ADGRL2: variants seen among roughly 807,000 people sequenced by gnomAD.
ADGRL2 encodes calcium-independent alpha-latrotoxin receptor 2.
ADGRL2 carries 44 observed loss-of-function variants against 157.4 expected under a neutral mutation model. The ratio of observed to expected loss-of-function variants is 0.28; its 90% confidence interval spans 0.22 to 0.36. The LOEUF (loss-of-function observed/expected upper bound fraction) is 0.36, where lower values mean the gene tolerates loss of function less well. Among genes scored for constraint, ADGRL2 ranks in the 10% least tolerant of loss-of-function variants. The probability of loss-of-function intolerance (pLI) is 1.00; values close to 1 mark genes in which losing one functional copy is unlikely to be tolerated. For synonymous variants in ADGRL2, 585 were observed against 624.7 expected, an observed-to-expected ratio of 0.94 and a Z score of 0.95; for missense variants, 1,510 against 1,768.9, an observed-to-expected ratio of 0.85 and a Z score of 2.63.
At chr1:81,474,323 C>G (rs545662835) in intron 2 of ADGRL2, among the ~76,000 whole-genome samples, 1 of 152,262 alleles carries the variant, frequency 6.6e-6, no homozygotes, top group East Asian at 1.9e-4. Context: ...TGTTGTATAT[C>G]TTTTGTGTTG....
chr1:81,544,716 G>A (rs2079970401), intron 2 of ADGRL2, among the ~76,000 whole-genome samples: 2 of 152,150 alleles, frequency 1.3e-5, no homozygotes, highest in South Asian at 4.1e-4. Flanking sequence ...TACAGGGGAG[G>A]CCGGAACTCT....
At chr1:81,821,356 A>C (rs2090972672) in intron 1 of ADGRL2, among the ~76,000 whole-genome samples, 1 of 152,234 alleles carries the variant, frequency 6.6e-6, no homozygotes, top group South Asian at 2.1e-4. Context: ...TTTTAGCATT[A>C]GAGACATTTT....
intron 3 of ADGRL2, among the ~76,000 whole-genome samples, chr1:81,623,089 A>T (rs1243023628): frequency 6.6e-6 from 1 of 152,166 alleles, no homozygotes; most frequent in Non-Finnish European, 1.5e-5. Flanking sequence ...TCTGGGGTGG[A>T]GCAACAATTC....
At chr1:81,788,311 C>A (rs1381979829) in intron 2 of ADGRL2, among the ~76,000 whole-genome samples, 1 of 152,068 alleles carries the variant, frequency 6.6e-6, no homozygotes, top group East Asian at 1.9e-4. Flanking sequence ...GGGGGAGGAT[C>A]CCTCATATAT....
At chr1:81,440,886 G>T (rs1455309053) in intron 1 of ADGRL2, among the ~76,000 whole-genome samples, 1 of 152,074 alleles carries the variant, frequency 6.6e-6, no homozygotes, top group African/African-American at 2.4e-5. Context: ...CACTGCTACT[G>T]CCTAGCCTAG....
intron 1 of ADGRL2, among the ~76,000 whole-genome samples, chr1:81,349,494 G>A (rs1240819968): frequency 2.0e-5 from 3 of 152,120 alleles, no homozygotes; most frequent in East Asian, 3.9e-4. Flanking sequence ...AGGAATGGCA[G>A]GAATGTGGGA....
intron 2 of ADGRL2, among the ~76,000 whole-genome samples, chr1:81,567,952 A>T (rs962032028): frequency 6.6e-6 from 1 of 152,098 alleles, no homozygotes; most frequent in Non-Finnish European, 1.5e-5. Flanking sequence ...ATTTCTTTGT[A>T]TCTGAAAACT....
intron 2 of ADGRL2, among the ~76,000 whole-genome samples, chr1:81,526,232 A>G (rs965011262): frequency 6.6e-6 from 1 of 151,426 alleles, no homozygotes; most frequent in Non-Finnish European, 1.5e-5. Flanking sequence ...TTTGCAACAT[A>G]CAGGCATGCA....
At chr1:81,946,098 A>C (rs762303939) in intron 6 of ADGRL2, among the ~76,000 whole-genome samples, 3 of 152,178 alleles carry the variant, frequency 2.0e-5, no homozygotes, top group Non-Finnish European at 4.4e-5. Flanking sequence ...CCTGTCATAA[A>C]GTAGTGATTG....
At chr1:81,676,647 A>T (rs567052296) in intron 3 of ADGRL2, among the ~76,000 whole-genome samples, 1 of 151,798 alleles carries the variant, frequency 6.6e-6, no homozygotes, top group East Asian at 2.0e-4. Flanking sequence ...TGTTACCTGG[A>T]GACTGTGGAA....
intron 1 of ADGRL2, chr1:81,722,201 G>A: frequency 2.7e-6 from 1 of 373,248 alleles, no homozygotes; most frequent in South Asian, 2.2e-5. Context: ...GCTGAGGCAG[G>A]AGAATGGCAT....
chr1:81,732,444 A>G (rs1365178970), intron 1 of ADGRL2, among the ~76,000 whole-genome samples: 1 of 152,194 alleles, frequency 6.6e-6, no homozygotes, highest in Non-Finnish European at 1.5e-5. Flanking sequence ...TTGCTTATGT[A>G]TATTATTTAA....
chr1:81,398,398 A>G (rs2076693991), intron 1 of ADGRL2, among the ~76,000 whole-genome samples: 2 of 152,094 alleles, frequency 1.3e-5, no homozygotes. Context: ...TCTCCCATTT[A>G]AATCATTGCA....
At chr1:81,601,947 T>C (rs1169531493) in intron 3 of ADGRL2, among the ~76,000 whole-genome samples, 2 of 152,102 alleles carry the variant, frequency 1.3e-5, no homozygotes, top group African/African-American at 2.4e-5. Context: ...GATGATGTTA[T>C]GGGAAAAGAG....
intron 2 of ADGRL2, among the ~76,000 whole-genome samples, chr1:81,448,137 C>CTTTTTTTTTTTTTTTTT (rs1168945231): frequency 2.4e-5 from 2 of 83,500 alleles, no homozygotes; most frequent in Non-Finnish European, 4.2e-5. Context: ...TTCTTTCTTT[C>CTTTTTTTTTTTTTTTTT]TTTTTTTTTT....
upstream of ADGRL2, among the ~76,000 whole-genome samples, chr1:81,697,085 T>C (rs9662712): frequency 0.077 from 11,670 of 152,258 alleles, 521 homozygotes; most frequent in South Asian, 0.13. Context: ...AGAGATACTT[T>C]AGAATATGGT....
chr1:81,767,190 C>T (rs1388542845), intron 2 of ADGRL2, among the ~76,000 whole-genome samples: 14 of 152,144 alleles, frequency 9.2e-5, no homozygotes, highest in African/African-American at 2.4e-5. Flanking sequence ...CATTAGTTTA[C>T]ACTTGTATAG....
intron 3 of ADGRL2, among the ~76,000 whole-genome samples, chr1:81,914,126 A>G (rs1572092557): frequency 6.6e-6 from 1 of 152,080 alleles, no homozygotes; most frequent in South Asian, 2.1e-4. Context: ...AGACTTCATG[A>G]TTATAGATTT....
At chr1:81,531,816 T>A (rs1008709489) in intron 2 of ADGRL2, among the ~76,000 whole-genome samples, 3 of 152,178 alleles carry the variant, frequency 2.0e-5, no homozygotes, top group Non-Finnish European at 2.9e-5. Context: ...AACTCCAAGA[T>A]GAATTTATCA....
Sources: allele counts gnomAD v4.1 joint callset (sites outside exome capture counted in the v4.1 genomes callset), GRCh38; gene constraint gnomAD v4.1.1; transcripts MANE v1.5; gene names NCBI Gene and HGNC (gene_info 2026-07-23, HGNC 2026-07-21).